The following CNIH3 variants were observed in gnomAD, a reference collection of about 807,000 sequenced individuals.
CNIH3 encodes the protein cornichon family AMPA receptor auxiliary protein 3.
CNIH3 carries 14 observed loss-of-function variants against 24.1 expected under a neutral mutation model. That is an observed-to-expected ratio of 0.58 (90% CI 0.38 to 0.91). The LOEUF (loss-of-function observed/expected upper bound fraction) is 0.91. Among genes scored for constraint, CNIH3 ranks in the 40% least tolerant of loss-of-function variants. The pLI is 0.00. For synonymous variants in CNIH3, 68 were observed against 73.8 expected, an observed-to-expected ratio of 0.92 and a Z score of 0.40; for missense variants, 178 against 196.8, an observed-to-expected ratio of 0.90 and a Z score of 0.57.
intron 1 of CNIH3, among the ~76,000 whole-genome samples, chr1:224,626,452 A>C (rs1683529445): frequency 6.6e-6 from 1 of 152,254 alleles, no homozygotes; most frequent in African/African-American, 2.4e-5. Context: ...AGAAGCAAAC[A>C]GGGACATTCT....
intron 3 of CNIH3, among the ~76,000 whole-genome samples, chr1:224,720,906 A>G (rs1688687214): frequency 6.6e-6 from 1 of 152,180 alleles, no homozygotes; most frequent in African/African-American, 2.4e-5. Context: ...CCCCTGAATG[A>G]AAGGATGGCT....
intron 1 of CNIH3, among the ~76,000 whole-genome samples, chr1:224,468,908 C>A (rs1170915530): frequency 2.0e-5 from 3 of 151,768 alleles, no homozygotes; most frequent in African/African-American, 7.2e-5. Context: ...AGTCTTTCAC[C>A]ACTAATTATG....
At chr1:224,560,823 A>G (rs1165169132) in intron 3 of CNIH3, among the ~76,000 whole-genome samples, 1 of 152,186 alleles carries the variant, frequency 6.6e-6, no homozygotes, top group Non-Finnish European at 1.5e-5. Context: ...ATGCACTTGA[A>G]TCATCCTGAA....
At chr1:224,678,534 G>A (rs961014798) in intron 1 of CNIH3, among the ~76,000 whole-genome samples, 6 of 152,096 alleles carry the variant, frequency 3.9e-5, no homozygotes, top group African/African-American at 1.2e-4. Context: ...GCAGCTTAGC[G>A]CCAGTTTATG....
downstream of CNIH3, among the ~76,000 whole-genome samples, chr1:224,593,343 A>G (rs1349795904): frequency 6.6e-6 from 1 of 150,532 alleles, no homozygotes; most frequent in Non-Finnish European, 1.5e-5. Context: ...CTTCTTAGGC[A>G]AAAACATGGC....
At chr1:224,449,138 G>A (rs1190241159) in intron 1 of CNIH3, among the ~76,000 whole-genome samples, 1 of 151,778 alleles carries the variant, frequency 6.6e-6, no homozygotes, top group African/African-American at 2.4e-5. Flanking sequence ...CTAATTTTTT[G>A]TATTTTTAGT....
At chr1:224,712,158 C>T (rs1011079199) in intron 3 of CNIH3, among the ~76,000 whole-genome samples, 8 of 152,202 alleles carry the variant, frequency 5.3e-5, no homozygotes, top group African/African-American at 1.9e-4. Flanking sequence ...TTGTTAATGA[C>T]CATTTCAGCT....
chr1:224,654,014 G>A (rs1264409837), intron 1 of CNIH3, among the ~76,000 whole-genome samples: 6 of 151,748 alleles, frequency 4.0e-5, no homozygotes, highest in Non-Finnish European at 7.4e-5. Flanking sequence ...CTGAGAGGTC[G>A]AGGCTGCAGT....
At chr1:224,655,980 C>T (rs780006827) in intron 1 of CNIH3, among the ~76,000 whole-genome samples, 17 of 152,266 alleles carry the variant, frequency 1.1e-4, no homozygotes, top group Admixed American at 2.0e-4. Flanking sequence ...GAGGAAGGAA[C>T]TCAGATGAGA....
chr1:224,564,111 G>A (rs1183557748), intron 3 of CNIH3, among the ~76,000 whole-genome samples: 1 of 152,220 alleles, frequency 6.6e-6, no homozygotes, highest in Non-Finnish European at 1.5e-5. Context: ...ACATATTGAA[G>A]TGTACTCTCT....
intron 1 of CNIH3, among the ~76,000 whole-genome samples, chr1:224,672,232 T>G (rs1472826969): frequency 2.0e-5 from 3 of 151,806 alleles, no homozygotes; most frequent in Non-Finnish European, 4.4e-5. Flanking sequence ...TTGGGGGGAG[T>G]ATAAAAGCCT....
intron 1 of CNIH3, among the ~76,000 whole-genome samples, chr1:224,671,568 C>T (rs1281319815): frequency 6.6e-6 from 1 of 152,212 alleles, no homozygotes; most frequent in African/African-American, 2.4e-5. Context: ...CCTCTTCAAC[C>T]AGGTAGCCCT....
chr1:224,739,309 T>C lies in CNIH3; in HGVS notation c.456-20T>C. On this transcript the variant is annotated intron_variant, in intron 5 of 5. Coordinates refer to ENST00000272133, the MANE Select transcript of CNIH3 (RefSeq NM_152495.2). The stretch of plus-strand genomic sequence containing the variant: ...CACCTTCCTCTCTTTTTTTTTTTTT[T>C]TTTTTTTTTTTGCATTCAGCATGAT... 1 of 1,530,078 alleles carries C rather than the reference T, an allele frequency of 6.5e-7. No homozygotes were observed. Among genetic ancestry groups the C allele is most frequent in the Non-Finnish European group, 8.7e-7 (1 of 1,143,794 alleles). 94.8% of individuals were successfully genotyped at this position (1,530,078 alleles called of 1,614,324 possible).
At chr1:224,623,464 G>T (rs1345252131) in intron 1 of CNIH3, among the ~76,000 whole-genome samples, 3 of 152,068 alleles carry the variant, frequency 2.0e-5, no homozygotes, top group African/African-American at 7.3e-5. Context: ...ACCTTAGCTG[G>T]CCTCAGTATT....
chr1:224,708,019 C>T (rs1687917420), intron 3 of CNIH3, among the ~76,000 whole-genome samples: 1 of 152,122 alleles, frequency 6.6e-6, no homozygotes, highest in South Asian at 2.1e-4. Context: ...TCTGACTCAC[C>T]CCATCCTGCT....
In CNIH3 at chr1:224,506,030, A is replaced by G. The variant is rs1228252013; in HGVS notation, n.204-9711A>G. On this transcript the variant is annotated intron_variant and non_coding_transcript_variant, in intron 1 of 5. Transcript: ENST00000471578. Reference sequence around the variant, plus strand: ...ACTCCCTCCCCTGCTCCCAGTTGGAAAGATTGCTCCCAAGACCCAAGCCTT... The same window carrying G: ...ACTCCCTCCCCTGCTCCCAGTTGGAGAGATTGCTCCCAAGACCCAAGCCTT... Among the ~76,000 whole-genome samples the G allele has an allele frequency of 2.0e-5, 3 of 152,342 alleles. 1 individual carries two copies. In the East Asian group the frequency reaches 5.8e-4, roughly 29 times the overall value.
chr1:224,616,811 C>T lies in CNIH3; in HGVS notation c.-364C>T, dbSNP rs571629209. 8.3e-6 allele frequency: 9 copies of T among 1,085,664 alleles called. No homozygotes were observed. The highest frequency in any genetic ancestry group is 4.8e-5 in the Admixed American group (1 of 21,032). The allele number at this position is 1,085,664 out of a possible 1,614,324, so 67.3% of individuals were successfully genotyped here. Reference sequence around the variant, plus strand: ...GCGAATGGGACCTCCTCCCTCGGTCCTCCGTGGAGTCGTCGCATCGCTTGT... The same window carrying T: ...GCGAATGGGACCTCCTCCCTCGGTCTTCCGTGGAGTCGTCGCATCGCTTGT... On this transcript the variant is annotated 5_prime_UTR_variant, in exon 1 of 6. Transcript: ENST00000272133.
intron 1 of CNIH3, among the ~76,000 whole-genome samples, chr1:224,649,038 A>G (rs1684748320): frequency 6.6e-6 from 1 of 152,130 alleles, no homozygotes; most frequent in Non-Finnish European, 1.5e-5. Flanking sequence ...TTCCTTATTT[A>G]TGGGGCTCAC....
chr1:224,532,139 G>T (rs1014746444), intron 2 of CNIH3, among the ~76,000 whole-genome samples: 1 of 152,132 alleles, frequency 6.6e-6, no homozygotes, highest in Non-Finnish European at 1.5e-5. Flanking sequence ...GGAACTCGGG[G>T]CATGGGTGGA....
Sources: allele counts gnomAD v4.1 joint callset (sites outside exome capture counted in the v4.1 genomes callset), GRCh38; gene constraint gnomAD v4.1.1; transcripts MANE v1.5; gene names NCBI Gene and HGNC (gene_info 2026-07-23, HGNC 2026-07-21).